The following EPM2A variants were observed in gnomAD, a reference collection of about 807,000 sequenced individuals.
EPM2A encodes EPM2A glucan phosphatase, laforin, also known as laforin.
EPM2A carries 21 observed loss-of-function variants against 26.5 expected under a neutral mutation model. The observed-to-expected ratio is 0.79, with a 90% CI of 0.56 to 1.14. The LOEUF is 1.14. Ranked by LOEUF, EPM2A falls within the 50% of genes most tolerant of loss-of-function variation. EPM2A has a pLI of 0.00. For synonymous variants in EPM2A, 217 were observed against 177.6 expected (o/e 1.22, Z -1.76); for missense variants, 458 against 440.8 (o/e 1.04, Z -0.35).
intron 2 of EPM2A, among the ~76,000 whole-genome samples, chr6:145,517,489 C>G (rs1023313727): frequency 6.6e-6 from 1 of 152,130 alleles, no homozygotes; most frequent in Non-Finnish European, 1.5e-5. Flanking sequence ...TTATTATAAA[C>G]AGAGTTGCTC....
chr6:145,473,329 G>T (rs565602321), intron 4 of EPM2A, among the ~76,000 whole-genome samples: 83 of 151,840 alleles, frequency 5.5e-4, no homozygotes, highest in African/African-American at 1.9e-3. Flanking sequence ...AAAATAGTGA[G>T]CTTGAAGACA....
At chr6:145,711,012 C>A (rs57700188) in intron 1 of EPM2A, among the ~76,000 whole-genome samples, 78,479 of 147,962 alleles carry the variant, frequency 0.53, 21,552 homozygotes, top group East Asian at 0.66. Context: ...AGGAGATATA[C>A]CTAATGTTAA....
intron 2 of EPM2A, among the ~76,000 whole-genome samples, chr6:145,615,470 A>G (rs1446327755): frequency 6.6e-6 from 1 of 152,006 alleles, no homozygotes; most frequent in Non-Finnish European, 1.5e-5. Context: ...ACAGACTAAT[A>G]CAGTAAATTG....
intron 2 of EPM2A, among the ~76,000 whole-genome samples, chr6:145,517,974 C>T (rs922630616): frequency 6.6e-6 from 1 of 152,152 alleles, no homozygotes; most frequent in African/African-American, 2.4e-5. Context: ...TGAAGAGATT[C>T]CTAAGGCCAC....
chr6:145,663,476 C>T (rs554520395), intron 2 of EPM2A, among the ~76,000 whole-genome samples: 1 of 152,146 alleles, frequency 6.6e-6, no homozygotes, highest in African/African-American at 2.4e-5. Flanking sequence ...AGTTCCCTTT[C>T]CGAGTCAAAG....
intron 4 of EPM2A, among the ~76,000 whole-genome samples, chr6:145,418,489 C>T (rs766035982): frequency 7.2e-5 from 11 of 152,104 alleles, no homozygotes; most frequent in Non-Finnish European, 1.2e-4. Flanking sequence ...AGAAATGATG[C>T]CAGGACTGTT....
At chr6:145,556,937 T>TA (rs1001319890) in intron 2 of EPM2A, among the ~76,000 whole-genome samples, 6 of 152,170 alleles carry the variant, frequency 3.9e-5, no homozygotes, top group African/African-American at 9.6e-5. Context: ...CACGATCATG[T>TA]AAAAAAAGCA....
chr6:145,660,892 A>G (rs1393290795), intron 2 of EPM2A, among the ~76,000 whole-genome samples: 1 of 152,170 alleles, frequency 6.6e-6, no homozygotes, highest in Non-Finnish European at 1.5e-5. Context: ...TTTAGAACAG[A>G]CAGTACAAAA....
chr6:145,436,377 T>G (rs1368673933), intron 4 of EPM2A, among the ~76,000 whole-genome samples: 1 of 152,196 alleles, frequency 6.6e-6, no homozygotes, highest in Non-Finnish European at 1.5e-5. Context: ...AATTGCTGGG[T>G]TTTATCATAG....
chr6:145,478,965 G>A (rs1357430515), intron 4 of EPM2A, among the ~76,000 whole-genome samples: 2 of 151,370 alleles, frequency 1.3e-5, no homozygotes, highest in Non-Finnish European at 3.0e-5. Flanking sequence ...CTTTTCGCTT[G>A]ATTTGTGGTT....
chr6:145,624,111 A>T (rs911066007), downstream of EPM2A, among the ~76,000 whole-genome samples: 3 of 152,038 alleles, frequency 2.0e-5, no homozygotes, highest in Non-Finnish European at 4.4e-5. Context: ...CTCATCTTCT[A>T]TCAGTTTTCT....
chr6:145,656,667 C>T (rs548083443), intron 2 of EPM2A, among the ~76,000 whole-genome samples: 2 of 152,270 alleles, frequency 1.3e-5, no homozygotes, highest in African/African-American at 4.8e-5. Context: ...GACATGATGT[C>T]AACATCATAG....
At chr6:145,596,146 A>G (rs555109992) in intron 2 of EPM2A, among the ~76,000 whole-genome samples, 36 of 152,346 alleles carry the variant, frequency 2.4e-4, no homozygotes, top group Non-Finnish European at 4.4e-4. Flanking sequence ...GTGATTAATC[A>G]AATGTTTATT....
intron 2 of EPM2A, among the ~76,000 whole-genome samples, chr6:145,514,027 A>G (rs1186826071): frequency 6.6e-6 from 1 of 152,156 alleles, no homozygotes; most frequent in Non-Finnish European, 1.5e-5. Flanking sequence ...ACAGTGGGAG[A>G]GAGAGGGAGA....
chr6:145,409,928 T>A (rs1562324187), intron 4 of EPM2A, among the ~76,000 whole-genome samples: 1 of 152,212 alleles, frequency 6.6e-6, no homozygotes, highest in Non-Finnish European at 1.5e-5. Flanking sequence ...AAGGTGAGCA[T>A]GTCTTCCAAG....
chr6:145,410,312 A>C (rs138020322), intron 4 of EPM2A, among the ~76,000 whole-genome samples: 1 of 152,304 alleles, frequency 6.6e-6, no homozygotes, highest in Admixed American at 6.5e-5. Context: ...TAACAAAGAA[A>C]GAATGACCAA....
Position 145,676,032 on chromosome 6 carries a change from C to T in EPM2A, c.476+10090G>A, listed in dbSNP as rs144398894. ...ATTGACCACATAATTGGAAGTAAAG[C>T]ATTCCTCAGCAAATGTAAAAGAACA... On this transcript the variant is annotated intron_variant, in intron 2 of 3. Transcript: ENST00000367519. Among the ~76,000 whole-genome samples the T allele has an allele frequency of 8.0e-3, 1,219 of 152,280 alleles. 17 individuals are homozygous for T. The highest frequency in any genetic ancestry group is 0.028 in the African/African-American group (1,166 of 41,546).
chr6:145,423,033 G>T (rs1332863947), intron 4 of EPM2A, among the ~76,000 whole-genome samples: 1 of 151,962 alleles, frequency 6.6e-6, no homozygotes, highest in African/African-American at 2.4e-5. Context: ...TAAGCTTAAA[G>T]ATGGATTTAG....
At chr6:145,559,952 A>G (rs1243566840) in intron 2 of EPM2A, among the ~76,000 whole-genome samples, 5 of 152,120 alleles carry the variant, frequency 3.3e-5, no homozygotes, top group African/African-American at 4.8e-5. Flanking sequence ...GCTTGGTTCA[A>G]TTGTTTCAGT....
Sources: allele counts gnomAD v4.1 joint callset (sites outside exome capture counted in the v4.1 genomes callset), GRCh38; gene constraint gnomAD v4.1.1; transcripts MANE v1.5; gene names NCBI Gene and HGNC (gene_info 2026-07-23, HGNC 2026-07-21).